The following SNTG2 variants were observed in gnomAD, a reference collection of about 807,000 sequenced individuals.
The protein encoded by SNTG2 is gamma-2-syntrophin.
SNTG2 carries 74 observed loss-of-function variants against 70.9 expected under a neutral mutation model. That is an observed-to-expected ratio of 1.04 (90% confidence interval 0.86 to 1.27). The LOEUF (loss-of-function observed/expected upper bound fraction) is 1.27. SNTG2 is among the 50% of genes most tolerant of loss of function. The pLI is 0.00. For synonymous variants in SNTG2, 278 were observed against 273.8 expected, an observed-to-expected ratio of 1.02 and a Z score of -0.15; for missense variants, 717 against 690.7, an observed-to-expected ratio of 1.04 and a Z score of -0.43.
chr2:1,041,342 C>T (rs1284996134), intron 1 of SNTG2, among the ~76,000 whole-genome samples: 3 of 152,186 alleles, frequency 2.0e-5, no homozygotes, highest in Non-Finnish European at 2.9e-5. Context: ...AACTTAAAGT[C>T]TTTAACATGT....
chr2:1,044,084 TCAG>T (rs1661592248), intron 1 of SNTG2, among the ~76,000 whole-genome samples: 1 of 152,154 alleles, frequency 6.6e-6, no homozygotes, highest in African/African-American at 2.4e-5. Flanking sequence ...CTCATTTCCT[TCAG>T]CAGCATTTTG....
intron 12 of SNTG2, among the ~76,000 whole-genome samples, chr2:1,255,827 TATATAAA>T (rs1678029225): frequency 2.6e-5 from 1 of 38,376 alleles, no homozygotes; most frequent in Admixed American, 4.1e-4. Flanking sequence ...TATGTATATA[TATATAAA>T]TATATATAAA....
intron 9 of SNTG2, among the ~76,000 whole-genome samples, chr2:1,226,784 A>C (rs560437239): frequency 6.6e-6 from 1 of 152,372 alleles, no homozygotes; most frequent in African/African-American, 2.4e-5. Flanking sequence ...TTTAGCCTGT[A>C]AGAATCTTTT....
chr2:1,227,580 C>T (rs756864574), intron 9 of SNTG2, among the ~76,000 whole-genome samples: 4 of 152,240 alleles, frequency 2.6e-5, no homozygotes, highest in Non-Finnish European at 5.9e-5. Context: ...ACCCTGGAGT[C>T]CTGCAGCTTC....
At chr2:1,165,484 T>G in intron 6 of SNTG2, 64 bp from the exon 7 acceptor site, 1 of 1,441,840 alleles carries the variant, frequency 6.9e-7, no homozygotes. Flanking sequence ...AGAGATTTTA[T>G]TTTTTAATTC....
intron 1 of SNTG2, among the ~76,000 whole-genome samples, chr2:1,050,405 C>T (rs1171748332): frequency 2.6e-5 from 4 of 151,934 alleles, no homozygotes; most frequent in Admixed American, 1.3e-4. Flanking sequence ...TGTTTCCTTC[C>T]TATTTATTGT....
At chr2:967,795 A>G (rs1207180917) in intron 1 of SNTG2, among the ~76,000 whole-genome samples, 1 of 152,172 alleles carries the variant, frequency 6.6e-6, no homozygotes, top group Non-Finnish European at 1.5e-5. Context: ...TTGGGAGGCC[A>G]AGGCAGACAG....
intron 1 of SNTG2, among the ~76,000 whole-genome samples, chr2:974,860 G>C (rs969487398): frequency 4.6e-5 from 7 of 152,148 alleles, no homozygotes; most frequent in African/African-American, 1.7e-4. Flanking sequence ...GGTTAGGGTA[G>C]ACACTATGCC....
chr2:1,101,630 C>T (rs1274681921), intron 4 of SNTG2, among the ~76,000 whole-genome samples: 2 of 152,084 alleles, frequency 1.3e-5, no homozygotes, highest in African/African-American at 4.8e-5. Context: ...TGTGGGACTT[C>T]GGTGCTGGAG....
chr2:1,203,368 G>A (rs967269660), intron 8 of SNTG2, among the ~76,000 whole-genome samples: 2 of 151,978 alleles, frequency 1.3e-5, no homozygotes, highest in Non-Finnish European at 2.9e-5. Flanking sequence ...AGTGACAAAT[G>A]TTACACAGGC....
chr2:1,020,957 A>AT (rs1660134724), intron 1 of SNTG2, among the ~76,000 whole-genome samples: 1 of 152,180 alleles, frequency 6.6e-6, no homozygotes, highest in Non-Finnish European at 1.5e-5. Context: ...ACCTGGAAAA[A>AT]TGGTGATTTT....
chr2:1,186,215 C>T (rs573717823), intron 8 of SNTG2, among the ~76,000 whole-genome samples: 22 of 152,330 alleles, frequency 1.4e-4, no homozygotes, highest in African/African-American at 5.1e-4. Context: ...ATAAGTCCCT[C>T]ATTTCCATCT....
chr2:1,193,375 A>G (rs942686438), intron 8 of SNTG2, among the ~76,000 whole-genome samples: 16 of 152,290 alleles, frequency 1.1e-4, no homozygotes, highest in South Asian at 2.1e-4. Flanking sequence ...CCTGATGAAA[A>G]GGATTGGAAA....
chr2:1,214,148 A>G (rs569382398), intron 9 of SNTG2, among the ~76,000 whole-genome samples: 10 of 152,114 alleles, frequency 6.6e-5, no homozygotes, highest in Non-Finnish European at 1.3e-4. Context: ...TTTGATTATT[A>G]TAGCTTTATA....
intron 16 of SNTG2, among the ~76,000 whole-genome samples, chr2:1,318,582 A>T (rs1681391099): frequency 6.6e-6 from 1 of 152,212 alleles, no homozygotes; most frequent in African/African-American, 2.4e-5. Flanking sequence ...CAAGGCGCTG[A>T]CCTCTCAGCA....
intron 15 of SNTG2, among the ~76,000 whole-genome samples, chr2:1,310,197 G>C (rs1295314980): frequency 6.6e-6 from 1 of 152,200 alleles, no homozygotes; most frequent in Non-Finnish European, 1.5e-5. Flanking sequence ...CTGGGGTCCT[G>C]TGTGTCCCTC....
chr2:1,182,783 C>T (rs565900135), intron 8 of SNTG2, among the ~76,000 whole-genome samples: 34 of 152,272 alleles, frequency 2.2e-4, no homozygotes, highest in Admixed American at 3.9e-4. Flanking sequence ...GACAGGGTCT[C>T]CCACTGTTTC....
intron 2 of SNTG2, among the ~76,000 whole-genome samples, chr2:1,096,344 G>A (rs1002289320): frequency 6.6e-6 from 1 of 152,114 alleles, no homozygotes; most frequent in Non-Finnish European, 1.5e-5. Context: ...TTTGTGGTGA[G>A]GACATGTAAG....
intron 14 of SNTG2, 124 bp downstream of exon 14, chr2:1,267,695 C>G (rs918612694): frequency 1.1e-6 from 1 of 892,136 alleles, no homozygotes; most frequent in Admixed American, 2.2e-5. Context: ...AATCTTTCAC[C>G]GGAGCTACTG....
Sources: gnomAD v4.1 joint callset for allele counts (sites outside exome capture counted in the v4.1 genomes callset) on GRCh38, gnomAD v4.1.1 for gene constraint, MANE v1.5 for transcripts, NCBI Gene and HGNC (gene_info 2026-07-23, HGNC 2026-07-21) for gene names.